SMYD3: variants seen among roughly 807,000 people sequenced by gnomAD.
SMYD3 encodes the protein histone-lysine N-methyltransferase SMYD3.
SMYD3 carries 36 observed loss-of-function variants against 57.7 expected under a neutral mutation model. The ratio of observed to expected loss-of-function variants is 0.62; its 90% CI spans 0.48 to 0.82. The LOEUF is 0.82. Ranked by LOEUF, SMYD3 falls within the 40% of genes least tolerant of loss-of-function variation. SMYD3 has a pLI of 0.00. For missense variants in SMYD3, 515 were observed against 538.8 expected (o/e 0.96, Z 0.44); for synonymous variants, 211 against 195.0 (o/e 1.08, Z -0.68).
At chr1:246,168,422 A>C (rs918990286) in intron 5 of SMYD3, among the ~76,000 whole-genome samples, 5 of 152,170 alleles carry the variant, frequency 3.3e-5, no homozygotes, top group African/African-American at 1.2e-4. Context: ...GCACTGTGCA[A>C]AATATTAATT....
At chr1:245,909,476 C>T (rs1253341072) in intron 8 of SMYD3, among the ~76,000 whole-genome samples, 1 of 151,982 alleles carries the variant, frequency 6.6e-6, no homozygotes, top group Non-Finnish European at 1.5e-5. Flanking sequence ...TATGTAAAAC[C>T]AGCATTACCC....
chr1:245,801,092 A>G (rs1272856904), intron 10 of SMYD3, among the ~76,000 whole-genome samples: 1 of 152,234 alleles, frequency 6.6e-6, no homozygotes, highest in African/African-American at 2.4e-5. Flanking sequence ...TTTAAAGTCA[A>G]GTTTCTGGTG....
At chr1:246,357,166 T>C (rs1020720444) in intron 1 of SMYD3, among the ~76,000 whole-genome samples, 9 of 152,336 alleles carry the variant, frequency 5.9e-5, no homozygotes, top group East Asian at 1.9e-4. Context: ...TAAGACTTAC[T>C]GTGCTGCATT....
intron 8 of SMYD3, among the ~76,000 whole-genome samples, chr1:245,868,154 A>T (rs2051982785): frequency 6.6e-6 from 1 of 152,224 alleles, no homozygotes; most frequent in Admixed American, 6.5e-5. Flanking sequence ...TCCTCACAAC[A>T]TCTTTGAAAG....
intron 5 of SMYD3, among the ~76,000 whole-genome samples, chr1:246,138,044 A>G (rs935791499): frequency 4.6e-5 from 7 of 152,322 alleles, no homozygotes; most frequent in Non-Finnish European, 1.0e-4. Flanking sequence ...AATGTAAAAT[A>G]CCTTTAATGA....
At chr1:246,373,803 C>G (rs1558430761) in intron 1 of SMYD3, among the ~76,000 whole-genome samples, 1 of 152,104 alleles carries the variant, frequency 6.6e-6, no homozygotes, top group Non-Finnish European at 1.5e-5. Context: ...TTTATATTAA[C>G]TTTTATTTGA....
intron 5 of SMYD3, 147 bp from the exon 6 acceptor site, chr1:245,930,084 C>A: frequency 1.5e-6 from 1 of 664,124 alleles, no homozygotes; most frequent in Admixed American, 2.1e-5. Flanking sequence ...TGCTCTTTGA[C>A]TTACAACAGA....
At chr1:246,477,940 A>G (rs1277606476) in intron 1 of SMYD3, among the ~76,000 whole-genome samples, 1 of 152,248 alleles carries the variant, frequency 6.6e-6, no homozygotes, top group African/African-American at 2.4e-5. Context: ...TTAAATATCA[A>G]CTAGCTAGGA....
chr1:245,962,110 T>C (rs2058026278), intron 5 of SMYD3, among the ~76,000 whole-genome samples: 2 of 152,132 alleles, frequency 1.3e-5, no homozygotes, highest in South Asian at 2.1e-4. Flanking sequence ...CTGTATTTCA[T>C]CTGTTTTACA....
intron 1 of SMYD3, among the ~76,000 whole-genome samples, chr1:246,412,780 C>T (rs148911599): frequency 0.012 from 1,788 of 149,516 alleles, 38 homozygotes; most frequent in African/African-American, 0.042. Context: ...ATGGCTTGAA[C>T]TCGGGAGGCG....
At chr1:246,302,951 A>G (rs1204769823) in intron 5 of SMYD3, among the ~76,000 whole-genome samples, 1 of 152,224 alleles carries the variant, frequency 6.6e-6, no homozygotes, top group Non-Finnish European at 1.5e-5. Context: ...AAGGTTTCCT[A>G]AACACCACAA....
In SMYD3 at chr1:246,498,103, C is replaced by T. The variant is rs114149715; in HGVS notation, c.164+8951G>A. Among the ~76,000 whole-genome samples the T allele has an allele frequency of 4.5e-3, 687 of 152,288 alleles. 3 individuals are homozygous for T. The highest frequency in any genetic ancestry group is 0.01 in the Middle Eastern group (3 of 294). Reference sequence around the variant, plus strand: ...GCTAAGGGAAACAAGTACTCACATACATCATTAGTGGGAATGCAAAATGGT... The same window carrying T: ...GCTAAGGGAAACAAGTACTCACATATATCATTAGTGGGAATGCAAAATGGT... On this transcript the variant is annotated intron_variant, in intron 1 of 11. Transcript: ENST00000490107.
In SMYD3 at chr1:246,495,523, A is replaced by T. The variant is rs556815800; in HGVS notation, c.164+11531T>A. 5.3e-5 allele frequency among the ~76,000 whole-genome samples: 8 copies of T among 152,318 alleles called. No individual in the cohort carries two copies. The East Asian group carries it at 1.5e-3, about 29-fold the overall frequency. The stretch of plus-strand genomic sequence containing the variant: ...GTTACAAGGGAATTTCTCAAAGGAA[A>T]TCTAAAGATGAGAGCTGTTCAAAGA... On this transcript the variant is annotated intron_variant, in intron 1 of 11. Coordinates refer to ENST00000490107, the MANE Select transcript of SMYD3 (RefSeq NM_001167740.2).
intron 5 of SMYD3, among the ~76,000 whole-genome samples, chr1:245,946,860 TCCC>T (rs2057443581): frequency 6.6e-6 from 1 of 152,134 alleles, no homozygotes; most frequent in African/African-American, 2.4e-5. Context: ...TGTAAAAAAC[TCCC>T]CATTTCTCTC....
intron 5 of SMYD3, among the ~76,000 whole-genome samples, chr1:246,264,343 G>A (rs979843198): frequency 2.0e-5 from 3 of 152,072 alleles, no homozygotes; most frequent in Admixed American, 6.6e-5. Flanking sequence ...TAAAAATATG[G>A]TAATTGATTA....
Position 245,898,200 on chromosome 1 carries a change from T to C in SMYD3, c.813+17330A>G, listed in dbSNP as rs559662164. Reference sequence around the variant, plus strand: ...TCTAGCTGTTACATAAAGGATCATATGGTATAAATTCTGCATACTAAACTA... The same window carrying C: ...TCTAGCTGTTACATAAAGGATCATACGGTATAAATTCTGCATACTAAACTA... On this transcript the variant is annotated intron_variant, in intron 8 of 11. Transcript: ENST00000490107. Among the ~76,000 whole-genome samples, 82 of 152,366 alleles carry C rather than the reference T, an allele frequency of 5.4e-4. 1 individual carries two copies. The highest frequency in any genetic ancestry group is 1.7e-3 in the African/African-American group (72 of 41,588).
chr1:245,872,381 C>A (rs576986063), intron 8 of SMYD3, among the ~76,000 whole-genome samples: 1 of 150,704 alleles, frequency 6.6e-6, no homozygotes, highest in Admixed American at 6.6e-5. Context: ...CCTGAGCTGG[C>A]CGACCCCAGG....
At chr1:246,141,937 G>A (rs75148195) in intron 5 of SMYD3, among the ~76,000 whole-genome samples, 1,861 of 152,274 alleles carry the variant, frequency 0.012, 34 homozygotes, top group African/African-American at 0.042. Context: ...CTTTTTCAAA[G>A]TTTTCCTCTT....
intron 5 of SMYD3, among the ~76,000 whole-genome samples, chr1:246,055,562 C>T (rs894042572): frequency 1.3e-5 from 2 of 152,234 alleles, no homozygotes; most frequent in Admixed American, 1.3e-4. Context: ...CCTTTGCTCG[C>T]TGCAGTACTA....
Sources: gnomAD v4.1 joint callset for allele counts (sites outside exome capture counted in the v4.1 genomes callset) on GRCh38, gnomAD v4.1.1 for gene constraint, MANE v1.5 for transcripts, NCBI Gene and HGNC (gene_info 2026-07-23, HGNC 2026-07-21) for gene names.